The following RORA variants were observed in gnomAD, a reference collection of about 807,000 sequenced individuals.
RORA encodes RAR related orphan receptor A, also known as nuclear receptor ROR-alpha.
A neutral mutation model predicts 69.5 loss-of-function variants in RORA; 7 were observed. That is an observed-to-expected ratio of 0.10 (90% CI 0.06 to 0.19). The LOEUF (loss-of-function observed/expected upper bound fraction) is 0.19. Among genes scored for constraint, RORA ranks in the 10% least tolerant of loss-of-function variants. RORA has a pLI of 1.00. For missense variants in RORA, 457 were observed against 663.0 expected (o/e 0.69, Z 3.41); for synonymous variants, 261 against 240.8 (o/e 1.08, Z -0.78).
At position 60,492,421 on chromosome 15, in the gene RORA, A is replaced by G. The variant is rs922097822; in HGVS notation, c.*5034T>C. On this transcript the variant is annotated 3_prime_UTR_variant, in exon 11 of 11. Coordinates refer to ENST00000335670, the MANE Select transcript of RORA (RefSeq NM_134261.3). ...GTAATGCATCAGATATAAACTACACATGTAGAAGTAAGAATTGTTTTCCAT... is the reference window on the plus strand; with the variant it reads ...GTAATGCATCAGATATAAACTACACGTGTAGAAGTAAGAATTGTTTTCCAT... The G allele has an allele frequency of 3.3e-5, 5 of 152,198 alleles. No homozygotes were observed. The highest frequency in any genetic ancestry group is 7.3e-5 in the Non-Finnish European group (5 of 68,028). The allele number at this position is 152,198 out of a possible 1,614,324, so 9.4% of individuals were successfully genotyped here. A position where few individuals can be genotyped will look rare whatever the true frequency, so the allele number is the denominator to read the frequency against.
At chr15:60,899,126 T>C (rs1891315096) in intron 1 of RORA, among the ~76,000 whole-genome samples, 1 of 152,232 alleles carries the variant, frequency 6.6e-6, no homozygotes, top group Non-Finnish European at 1.5e-5. Flanking sequence ...CCACGTCTTA[T>C]CCTTGACAGG....
chr15:60,567,298 T>C (rs898194772), intron 2 of RORA, among the ~76,000 whole-genome samples: 1 of 151,876 alleles, frequency 6.6e-6, no homozygotes, highest in East Asian at 1.9e-4. Context: ...GCGGTCCAAG[T>C]GCCTCCTCTA....
chr15:60,670,467 C>T (rs544344135), intron 2 of RORA, among the ~76,000 whole-genome samples: 6 of 152,116 alleles, frequency 3.9e-5, no homozygotes, highest in Non-Finnish European at 8.8e-5. Context: ...GTCTCGGCCT[C>T]CCAAAGTGCT....
chr15:60,824,558 A>T (rs959814346), intron 1 of RORA, among the ~76,000 whole-genome samples: 1 of 152,168 alleles, frequency 6.6e-6, no homozygotes, highest in African/African-American at 2.4e-5. Flanking sequence ...TGATTAAATC[A>T]GACTAGCTGG....
At chr15:60,591,416 T>C (rs2068505223) in intron 2 of RORA, among the ~76,000 whole-genome samples, 1 of 152,156 alleles carries the variant, frequency 6.6e-6, no homozygotes. Flanking sequence ...CTCCAAACTT[T>C]AGCTTTCCCA....
At chr15:61,045,774 C>T (rs780188374) in intron 1 of RORA, among the ~76,000 whole-genome samples, 12 of 152,224 alleles carry the variant, frequency 7.9e-5, no homozygotes, top group Non-Finnish European at 1.2e-4. Flanking sequence ...TCCCTACTCC[C>T]CATTCCATTC....
chr15:60,499,943 A>G lies in RORA; in HGVS notation c.1356T>C (p.Ala452=), dbSNP rs780863140. ...IEKLQQKIQL[A]LQHVLQKNHR... ...GATTCTTCTGTAGGACGTGTTGAAG[A>G]GCTAGCTGAATTTTCTGTTGCAGTT... is the stretch of plus-strand genomic sequence containing the variant. Residue 452 remains alanine, a synonymous_variant, in exon 10 of 11, where the codon GCT becomes GCC. Coordinates refer to ENST00000335670, the MANE Select transcript of RORA (RefSeq NM_134261.3). 1.2e-6 allele frequency: 2 copies of G among 1,613,094 alleles called. No individual in the cohort carries two copies. Among genetic ancestry groups the G allele is most frequent in the Non-Finnish European group, 8.5e-7 (1 of 1,179,600 alleles).
intron 2 of RORA, among the ~76,000 whole-genome samples, chr15:60,541,171 T>C (rs1341444969): frequency 6.6e-6 from 1 of 152,166 alleles, no homozygotes; most frequent in Non-Finnish European, 1.5e-5. Flanking sequence ...GATTGTAAGA[T>C]CTTGAAGAAT....
intron 1 of RORA, among the ~76,000 whole-genome samples, chr15:60,816,109 T>C (rs2072812965): frequency 7.4e-6 from 1 of 135,402 alleles, no homozygotes; most frequent in South Asian, 2.4e-4. Flanking sequence ...TATGTATTTA[T>C]ATACTGTAAA....
intron 1 of RORA, among the ~76,000 whole-genome samples, chr15:60,975,648 G>C (rs1248993039): frequency 6.6e-6 from 1 of 152,138 alleles, no homozygotes; most frequent in East Asian, 1.9e-4. Context: ...GATTTCTGGG[G>C]CCCTCCACTT....
At chr15:60,903,675 G>A (rs545873356) in intron 1 of RORA, among the ~76,000 whole-genome samples, 13 of 152,296 alleles carry the variant, frequency 8.5e-5, no homozygotes, top group Admixed American at 6.5e-4. Context: ...ATTCACAGAT[G>A]AGTGCACACC....
intron 2 of RORA, among the ~76,000 whole-genome samples, chr15:60,574,556 T>G (rs940823594): frequency 4.6e-5 from 7 of 152,220 alleles, no homozygotes; most frequent in African/African-American, 1.7e-4. Context: ...ACTTCAAACT[T>G]GAATACGTGA....
intron 1 of RORA, among the ~76,000 whole-genome samples, chr15:61,059,581 T>TA (rs763582060): frequency 2.1e-4 from 32 of 152,322 alleles, no homozygotes; most frequent in Non-Finnish European, 3.7e-4. Context: ...TGCTTTGAGA[T>TA]ACGTTATTGC....
At chr15:61,130,466 GT>G (rs35145620) in intron 1 of RORA, among the ~76,000 whole-genome samples, 10,031 of 152,306 alleles carry the variant, frequency 0.066, 458 homozygotes, top group Non-Finnish European at 0.1. Flanking sequence ...TGAATGCTTT[GT>G]GGACGCACTG....
At chr15:60,856,218 C>G (rs1005427603) in intron 1 of RORA, among the ~76,000 whole-genome samples, 4 of 152,178 alleles carry the variant, frequency 2.6e-5, no homozygotes, top group Admixed American at 2.6e-4. Context: ...TCAGGTAAAA[C>G]TATCTTCTTG....
intron 2 of RORA, among the ~76,000 whole-genome samples, chr15:60,572,499 G>C (rs1403651735): frequency 6.9e-6 from 1 of 145,008 alleles, no homozygotes; most frequent in African/African-American, 2.8e-5. Context: ...TTTTACCATT[G>C]GTAGCAAGAA....
chr15:61,204,902 G>T (rs1315659464), intron 1 of RORA, among the ~76,000 whole-genome samples: 1 of 152,192 alleles, frequency 6.6e-6, no homozygotes. Context: ...GCTTATGGAA[G>T]AGATAAAATA....
At chr15:60,739,570 C>CAA (rs34191182) in intron 1 of RORA, among the ~76,000 whole-genome samples, 14 of 141,210 alleles carry the variant, frequency 9.9e-5, no homozygotes, top group South Asian at 4.5e-4. Context: ...GACCTTGTCG[C>CAA]AAAAAAAAAA....
intron 1 of RORA, among the ~76,000 whole-genome samples, chr15:60,896,723 A>G (rs532724230): frequency 1.4e-5 from 2 of 139,402 alleles, no homozygotes; most frequent in East Asian, 4.3e-4. Context: ...AAGACTCTGG[A>G]GAATTTAGCT....
Sources: gnomAD v4.1 joint callset for allele counts (sites outside exome capture counted in the v4.1 genomes callset) on GRCh38, gnomAD v4.1.1 for gene constraint, MANE v1.5 for transcripts, NCBI Gene and HGNC (gene_info 2026-07-23, HGNC 2026-07-21) for gene names.